Variants in PM20D1 observed in about 807,000 individuals in gnomAD.
PM20D1 encodes the protein peptidase M20 domain containing 1.
A neutral mutation model predicts 53.8 loss-of-function variants in PM20D1; 53 were observed. That is an observed-to-expected ratio of 0.98 (90% CI 0.79 to 1.24). PM20D1 has a LOEUF of 1.24. Ranked by LOEUF, PM20D1 falls within the 50% of genes most tolerant of loss-of-function variation. The pLI is 0.00. For missense variants in PM20D1, 564 were observed against 616.8 expected (o/e 0.91, Z 0.91); for synonymous variants, 239 against 241.3 (o/e 0.99, Z 0.09).
intron 1 of PM20D1, among the ~76,000 whole-genome samples, chr1:205,849,050 C>G (rs1439062781): frequency 6.6e-6 from 1 of 152,198 alleles, no homozygotes; most frequent in African/African-American, 2.4e-5. Context: ...GCCTCCCAGG[C>G]TTGTCACTCT....
chr1:205,832,753 G>A lies in PM20D1; in HGVS notation c.1130C>T (p.Thr377Met), dbSNP rs117326234. Reference sequence around the variant, plus strand: ...TCTGTTATCAGCCACAATGTTCTTCGTGAGTTCTAGGACCTCCAGGGTAGA... The same window carrying A: ...TCTGTTATCAGCCACAATGTTCTTCATGAGTTCTAGGACCTCCAGGGTAGA... ...GQTVQEVLEL[T>M]KNIVADNRVQ... The change falls in exon 11 of 13, where the codon ACG becomes ATG. Residue 377 changes from threonine (T) to methionine (M), a missense_variant. By Grantham distance (81) the Thr-to-Met change is moderately conservative (BLOSUM62 -1). Coordinates refer to ENST00000367136, the MANE Select transcript of PM20D1 (RefSeq NM_152491.5). The A allele has an allele frequency of 5.6e-5, 89 of 1,600,088 alleles. No homozygotes were observed. In the East Asian group the frequency reaches 9.9e-4, roughly 18 times the overall value.
At chr1:205,831,220 C>T (rs988294017) in intron 11 of PM20D1, among the ~76,000 whole-genome samples, 4 of 152,180 alleles carry the variant, frequency 2.6e-5, no homozygotes, top group Admixed American at 1.3e-4. Context: ...CAAGTGTGTG[C>T]GGTGATTTGA....
At chr1:205,844,039 A>G in intron 5 of PM20D1, 48 bp downstream of exon 5, 1 of 1,573,342 alleles carries the variant, frequency 6.4e-7, no homozygotes, top group East Asian at 2.2e-5. Context: ...GTCATCTCAA[A>G]TGGGGTGAGA....
At chr1:205,836,227 T>C (rs1393450497) in intron 10 of PM20D1, among the ~76,000 whole-genome samples, 2 of 152,166 alleles carry the variant, frequency 1.3e-5, no homozygotes, top group Non-Finnish European at 2.9e-5. Flanking sequence ...TTGTTCTCTG[T>C]TTTATGTGTA....
At chr1:205,848,413 C>T (rs1347911211) in intron 1 of PM20D1, among the ~76,000 whole-genome samples, 4 of 152,184 alleles carry the variant, frequency 2.6e-5, no homozygotes, top group Non-Finnish European at 4.4e-5. Context: ...ATCAATGAGG[C>T]TTGTGTGTTT....
chr1:205,849,971 T>C lies in PM20D1; in HGVS notation c.102A>G (p.Gln34=), dbSNP rs139560425. The change falls in exon 1 of 13, where the codon CAA becomes CAG. Residue 34 remains glutamine (Q), a synonymous_variant. Coordinates refer to ENST00000367136, the MANE Select transcript of PM20D1 (RefSeq NM_152491.5). ...RSMGPRSGEH[Q]RASRIPSQFS... ...ACTGAGAAGGGATTCGCGACGCCCT[T>C]TGATGCTCCCCGCTCCTCGGGCCCA... The C allele has an allele frequency of 9.9e-6, 16 of 1,614,022 alleles. No individual in the cohort carries two copies. In the African/African-American group the frequency reaches 1.7e-4, roughly 18 times the overall value.
Position 205,834,661 on chromosome 1 carries a change from A to G in PM20D1, c.1117-1895T>C, listed in dbSNP as rs147679761. On this transcript the variant is annotated intron_variant, in intron 10 of 12. Transcript: ENST00000367136. ...CTTATAATACAAATATCCTAATACAAGAATTAATGCACGGTCTTGACATAT... is the reference window on the plus strand; with the variant it reads ...CTTATAATACAAATATCCTAATACAGGAATTAATGCACGGTCTTGACATAT... 4.3e-3 allele frequency among the ~76,000 whole-genome samples: 655 copies of G among 152,388 alleles called. 3 individuals are homozygous for G. Among genetic ancestry groups the G allele is most frequent in the Middle Eastern group, 0.017 (5 of 294 alleles).
intron 4 of PM20D1, 45 bp from the exon 5 acceptor site, chr1:205,844,262 C>G (rs752786255): frequency 2.0e-6 from 3 of 1,534,674 alleles, no homozygotes; most frequent in Admixed American, 3.9e-5. Context: ...CAGCCAGAGA[C>G]AGACCTCCAG....
intron 11 of PM20D1, among the ~76,000 whole-genome samples, chr1:205,832,154 A>G (rs1656575935): frequency 6.6e-6 from 1 of 152,070 alleles, no homozygotes; most frequent in African/African-American, 2.4e-5. Flanking sequence ...TGCTGCTGGG[A>G]TTGGTCTGGG....
At chr1:205,828,782 G>GC in intron 12 of PM20D1, 39 bp from the exon 13 acceptor site, 1 of 1,606,652 alleles carries the variant, frequency 6.2e-7, no homozygotes, top group East Asian at 2.2e-5. Context: ...GGAGGGGAGG[G>GC]CCAAGTGCCA....
chr1:205,834,908 G>T (rs928073075), intron 10 of PM20D1, among the ~76,000 whole-genome samples: 1 of 152,284 alleles, frequency 6.6e-6, no homozygotes, highest in East Asian at 1.9e-4. Context: ...TCTCATTTCC[G>T]CATTTCCAGT....
At chr1:205,844,066 G>T (rs1316847449) in intron 5 of PM20D1, 21 bp downstream of exon 5, 2 of 1,598,056 alleles carry the variant, frequency 1.3e-6, no homozygotes, top group Admixed American at 1.7e-5. Flanking sequence ...TCCAAGGTGT[G>T]GGGTGGGATG....
chr1:205,844,061 G>C (rs1052240856), intron 5 of PM20D1, 26 bp downstream of exon 5: 1 of 1,591,542 alleles, frequency 6.3e-7, no homozygotes, highest in Non-Finnish European at 8.6e-7. Flanking sequence ...TTCCCTCCAA[G>C]GTGTGGGGTG....
Position 205,828,735 on chromosome 1 carries a change from C to G in PM20D1, c.1394G>C (p.Gly465Ala). Residue 465 changes from glycine (G) to alanine (A), a missense_variant, in exon 13 of 13, where the codon GGA (glycine) becomes GCA (alanine). Transcript: ENST00000367136. ...IQPEDFKRIH[G>A]VNEKISVQAY... ...TTGGACTGAGATTTTCTCGTTGACTCCATGGATGCTGAGGAAAGTAAGGTG... is the reference window on the plus strand; with the variant it reads ...TTGGACTGAGATTTTCTCGTTGACTGCATGGATGCTGAGGAAAGTAAGGTG... 1.2e-6 allele frequency: 2 copies of G among 1,614,008 alleles called. No individual in the cohort carries two copies. The highest frequency in any genetic ancestry group is 1.7e-6 in the Non-Finnish European group (2 of 1,179,922).
intron 2 of PM20D1, 151 bp from the exon 3 acceptor site, chr1:205,845,708 C>T (rs1397694531): frequency 6.3e-6 from 4 of 637,014 alleles, no homozygotes; most frequent in Non-Finnish European, 8.0e-6. Flanking sequence ...TAGTCTGATT[C>T]CTGATCTACC....
At position 205,830,453 on chromosome 1, in the gene PM20D1, TG is replaced by T. The variant is rs1656534050; in HGVS notation, c.1286-75del. On this transcript the variant is annotated intron_variant, in intron 11 of 12. Coordinates refer to ENST00000367136, the MANE Select transcript of PM20D1 (RefSeq NM_152491.5). The stretch of plus-strand genomic sequence containing the variant: ...CCAGCGAAGTGGCTGGGGTGTGGCC[TG>T]GCTGGAAAATCAGGACTACTGGATC... The T allele has an allele frequency of 9.2e-6, 10 of 1,090,624 alleles. No homozygotes were observed. In the South Asian group the frequency reaches 1.3e-4, roughly 14 times the overall value. The allele number at this position is 1,090,624 out of a possible 1,614,324, so 67.6% of individuals were successfully genotyped here.
At chr1:205,834,820 C>A (rs564647957) in intron 10 of PM20D1, among the ~76,000 whole-genome samples, 24 of 152,266 alleles carry the variant, frequency 1.6e-4, no homozygotes, top group African/African-American at 5.3e-4. Flanking sequence ...CAGTAAGAGG[C>A]TGCAGGAGCT....
At position 205,832,903 on chromosome 1, in the gene PM20D1, TG is replaced by T. The variant is rs201833366; in HGVS notation, c.1117-138del. 8.4e-4 allele frequency: 833 copies of T among 994,794 alleles called. 12 individuals carry two copies. The East Asian group carries it at 0.019, about 22-fold the overall frequency. 61.6% of individuals were successfully genotyped at this position (994,794 alleles called of 1,614,324 possible). A position where few individuals can be genotyped will look rare whatever the true frequency, so the allele number is the denominator to read the frequency against. ...GACAGGACTTATTTTTTTTAAGCAC[TG>T]GGACTTCAATTTCAGCTGACTGGCT... On this transcript the variant is annotated intron_variant, in intron 10 of 12. Transcript: ENST00000367136.
intron 10 of PM20D1, among the ~76,000 whole-genome samples, chr1:205,836,493 G>T (rs961855848): frequency 1.3e-5 from 2 of 152,062 alleles, no homozygotes; most frequent in Non-Finnish European, 2.9e-5. Flanking sequence ...CTCAGATATG[G>T]TGTCCCGTAA....
Sources: gnomAD v4.1 joint callset for allele counts (sites outside exome capture counted in the v4.1 genomes callset) on GRCh38, gnomAD v4.1.1 for gene constraint, MANE v1.5 for transcripts, NCBI Gene and HGNC (gene_info 2026-07-23, HGNC 2026-07-21) for gene names.